Variants in CARD9 observed in about 807,000 individuals in gnomAD.
CARD9 encodes the protein caspase recruitment domain family member 9, also known as caspase recruitment domain-containing protein 9.
CARD9 carries 53 observed loss-of-function variants against 66.0 expected under a neutral mutation model. The ratio of observed to expected loss-of-function variants is 0.80; its 90% CI spans 0.64 to 1.01. The LOEUF is 1.01. Ranked by LOEUF, CARD9 falls within the 50% of genes least tolerant of loss-of-function variation. The pLI is 0.00. For synonymous variants in CARD9, 387 were observed against 313.8 expected, an observed-to-expected ratio of 1.23 and a Z score of -2.47; for missense variants, 769 against 743.2, an observed-to-expected ratio of 1.03 and a Z score of -0.40.
Position 136,368,560 on chromosome 9 carries a change from A to C in CARD9, c.1078-732T>G, listed in dbSNP as rs942179235. ...TCTCGTTTTAAGGCTCCTGATGTGG[A>C]CAAAGTGCCATCCAGCATTTAGCCG... On this transcript the variant is annotated intron_variant, in intron 7 of 12. Coordinates refer to ENST00000371732, the MANE Select transcript of CARD9 (RefSeq NM_052813.5). Among the ~76,000 whole-genome samples the C allele has an allele frequency of 3.9e-5, 6 of 152,342 alleles. No homozygotes were observed. The East Asian group carries it at 9.7e-4, about 25-fold the overall frequency.
At position 136,365,161 on chromosome 9, in the gene CARD9, G is replaced by C; in HGVS notation, c.1414C>G (p.Gln472Glu). ...CTTACATGGGGGTTCCGCAAAACCT[G>C]CTCCTGGTGCAGAGCTGCAAAGGGC... ...KQPFAALHQEQVLRNPHDAGL... is the reference protein window; with the variant it reads ...KQPFAALHQEEVLRNPHDAGL... The change falls in exon 11 of 13, where the codon CAG becomes GAG. Residue 472 changes from glutamine to glutamate, a missense_variant. Gln to Glu is a conservative substitution (Grantham distance 29). Transcript: ENST00000371732. 2 of 1,611,956 alleles carry C rather than the reference G, an allele frequency of 1.2e-6. No individual in the cohort carries two copies. The highest frequency in any genetic ancestry group is 8.5e-7 in the Non-Finnish European group (1 of 1,179,884).
rs367638485 is a variant in CARD9 at position 136,371,074 on chromosome 9, C to T, written c.394G>A (p.Asp132Asn). 21 of 1,612,594 alleles carry T rather than the reference C, an allele frequency of 1.3e-5. No individual in the cohort carries two copies. Among genetic ancestry groups the T allele is most frequent in the African/African-American group, 2.7e-5 (2 of 74,938 alleles). ...EVMKLQKKVQ[D>N]LTALLSSKDD... The stretch of plus-strand genomic sequence containing the variant: ...TTGGAGCTCAGCAGCGCGGTCAGGT[C>T]CTGCACCTTCTTCTGCAGCTTCATG... Residue 132 changes from aspartate to asparagine, a missense_variant, in exon 4 of 13, where the codon GAC becomes AAC. By Grantham distance (23) the Asp-to-Asn change is conservative. Coordinates refer to ENST00000371732, the MANE Select transcript of CARD9 (RefSeq NM_052813.5).
chr9:136,364,695 A>G (rs909784457), intron 11 of CARD9, 136 bp from the exon 12 acceptor site: 10 of 864,056 alleles, frequency 1.2e-5, no homozygotes, highest in South Asian at 3.5e-5. Flanking sequence ...CTCAGCGCCA[A>G]GCTCTCCCTG....
Position 136,371,949 on chromosome 9 carries a change from C to G in CARD9, c.130G>C (p.Asp44His). Residue 44 changes from aspartate to histidine, a missense_variant, in exon 2 of 13, where the codon GAT (aspartate) becomes CAT (histidine). Transcript: ENST00000371732. The part of the protein sequence containing the change: ...LRQCKVLNPD[D>H]EEQVLSDPNL... The stretch of plus-strand genomic sequence containing the variant: ...GGGTCGCTGAGCACCTGCTCCTCAT[C>G]ATCGGGGTTCAGGACCTTGCACTGC... The G allele has an allele frequency of 6.2e-7, 1 of 1,610,632 alleles. No homozygotes were observed. Among genetic ancestry groups the G allele is most frequent in the Non-Finnish European group, 8.5e-7 (1 of 1,178,066 alleles).
rs1363060655 is a variant in CARD9, at chr9:136,370,141, AG to A, written c.951+152del. On this transcript the variant is annotated intron_variant, in intron 6 of 12. Transcript: ENST00000371732. ...CCATGGGGGGCAGGCGGGCAAGGAG[AG>A]GGCACCGTCCACTGTGCCTCCAGGA... 2.1e-6 allele frequency: 3 copies of A among 1,440,398 alleles called. No individual in the cohort carries two copies. In the African/African-American group the frequency reaches 4.2e-5, roughly 20 times the overall value. The allele number at this position is 1,440,398 out of a possible 1,614,324, so 89.2% of individuals were successfully genotyped here.
At chr9:136,371,556 A>G in intron 2 of CARD9, 95 bp from the exon 3 acceptor site, 1 of 1,502,248 alleles carries the variant, frequency 6.7e-7, no homozygotes, top group Non-Finnish European at 8.9e-7. Flanking sequence ...GGAGGCTGGC[A>G]TGCAGATGAG....
At chr9:136,366,775 G>A (rs1833134047) in intron 10 of CARD9, 25 bp downstream of exon 10, 1 of 1,612,506 alleles carries the variant, frequency 6.2e-7, no homozygotes, top group African/African-American at 1.3e-5. Flanking sequence ...GGAGGCCTCT[G>A]GGTGTACTGC....
Position 136,365,275 on chromosome 9 carries a change from G to C in CARD9, c.1358-58C>G, listed in dbSNP as rs897265650. The C allele has an allele frequency of 7.9e-5, 122 of 1,534,768 alleles. No homozygotes were observed. The Admixed American group carries it at 9.6e-4, about 12-fold the overall frequency. On this transcript the variant is annotated intron_variant, in intron 10 of 12. Coordinates refer to ENST00000371732, the MANE Select transcript of CARD9 (RefSeq NM_052813.5). ...CCATCTGCTGGGCCACGTATAGCAC[G>C]GCTGCCCCACCCCTCCCCGGCATTG...
Position 136,364,166 on chromosome 9 carries a change from T to C in CARD9, c.*136A>G, listed in dbSNP as rs754296515. 24 of 1,550,522 alleles carry C rather than the reference T, an allele frequency of 1.5e-5. No individual in the cohort carries two copies. Among genetic ancestry groups the C allele is most frequent in the Non-Finnish European group, 2.0e-5 (23 of 1,146,844 alleles). Reference sequence around the variant, plus strand: ...ATGCCCGGCAGTCCGGCTGGGCCTTTCAGGGCACCAGATTCCTCGTTCCAG... The same window carrying C: ...ATGCCCGGCAGTCCGGCTGGGCCTTCCAGGGCACCAGATTCCTCGTTCCAG... On this transcript the variant is annotated 3_prime_UTR_variant, in exon 13 of 13. Coordinates refer to ENST00000371732, the MANE Select transcript of CARD9 (RefSeq NM_052813.5).
At chr9:136,365,110 C>G in intron 11 of CARD9, 31 bp downstream of exon 11, 2 of 1,607,404 alleles carry the variant, frequency 1.2e-6, no homozygotes, top group South Asian at 2.2e-5. Context: ...AGGCCCACGG[C>G]TGGGAGGACC....
chr9:136,364,639 T>G (rs1307132835), intron 11 of CARD9, 80 bp from the exon 12 acceptor site: 2 of 1,387,238 alleles, frequency 1.4e-6, no homozygotes, highest in East Asian at 2.5e-5. Context: ...CACTGGCCCC[T>G]GTAACTGCAG....
intron 11 of CARD9, 54 bp from the exon 12 acceptor site, chr9:136,364,613 C>T: frequency 6.7e-7 from 1 of 1,501,350 alleles, no homozygotes; most frequent in South Asian, 1.2e-5. Flanking sequence ...GGAACCCGTC[C>T]TTCTCACCCG....
chr9:136,371,983 A>G lies in CARD9; in HGVS notation c.96T>C (p.Pro32=), dbSNP rs2131445611. ...TCAGGACCTTGCACTGCCGCAGGTAAGGTGTGATGCGTGAGGGGTCGATGA... is the reference window on the plus strand; with the variant it reads ...TCAGGACCTTGCACTGCCGCAGGTAGGGTGTGATGCGTGAGGGGTCGATGA... ...TSVIDPSRIT[P]YLRQCKVLNP... The change falls in exon 2 of 13, where the codon CCT becomes CCC. Residue 32 remains proline, a synonymous_variant. Coordinates refer to ENST00000371732, the MANE Select transcript of CARD9 (RefSeq NM_052813.5). 3 of 1,612,680 alleles carry G rather than the reference A, an allele frequency of 1.9e-6. No individual in the cohort carries two copies. The highest frequency in any genetic ancestry group is 1.7e-5 in the Admixed American group (1 of 60,014).
Position 136,364,583 on chromosome 9 carries a change from C to A in CARD9, c.1435-24G>T. The A allele has an allele frequency of 2.0e-6, 3 of 1,532,952 alleles. No individual in the cohort carries two copies. The South Asian group carries it at 3.6e-5, about 18-fold the overall frequency. The allele number at this position is 1,532,952 out of a possible 1,614,324, so 95.0% of individuals were successfully genotyped here. ...TCCTGGAGAAGGGGGAAGGCTCGGGCTCCGGCCGGCTCCCCTGAGGGAACC... is the reference window on the plus strand; with the variant it reads ...TCCTGGAGAAGGGGGAAGGCTCGGGATCCGGCCGGCTCCCCTGAGGGAACC... On this transcript the variant is annotated intron_variant, in intron 11 of 12. Coordinates refer to ENST00000371732, the MANE Select transcript of CARD9 (RefSeq NM_052813.5).
At chr9:136,371,526 G>GGGGGCC in intron 2 of CARD9, 65 bp from the exon 3 acceptor site, 1 of 516,030 alleles carries the variant, frequency 1.9e-6, no homozygotes, top group Non-Finnish European at 3.6e-6. Flanking sequence ...GGGTGGGTGG[G>GGGGGCC]CCTGGGGGCA....
At chr9:136,369,485 T>C (rs1833205279) in intron 7 of CARD9, among the ~76,000 whole-genome samples, 1 of 152,222 alleles carries the variant, frequency 6.6e-6, no homozygotes, top group Non-Finnish European at 1.5e-5. Flanking sequence ...CGTTTACTTT[T>C]TTTTAGTGTT....
chr9:136,367,621 C>G lies in CARD9; in HGVS notation c.1269+16G>C, dbSNP rs1178494694. 6.4e-7 allele frequency: 1 copy of G among 1,563,410 alleles called. No individual in the cohort carries two copies. The highest frequency in any genetic ancestry group is 8.6e-7 in the Non-Finnish European group (1 of 1,159,910). On this transcript the variant is annotated intron_variant, in intron 8 of 12. Transcript: ENST00000371732. Reference sequence around the variant, plus strand: ...CACGCGCCGGCTCCCCTCCCTGCCGCAGGCCCCAGGCCCACCAGGACGAGC... The same window carrying G: ...CACGCGCCGGCTCCCCTCCCTGCCGGAGGCCCCAGGCCCACCAGGACGAGC...
chr9:136,371,524 G>A, intron 2 of CARD9, 63 bp from the exon 3 acceptor site: 2 of 1,459,802 alleles, frequency 1.4e-6, no homozygotes, highest in Non-Finnish European at 1.9e-6. Context: ...TGGGGTGGGT[G>A]GGCCTGGGGG....
intron 1 of CARD9, among the ~76,000 whole-genome samples, chr9:136,373,087 C>T (rs1355516381): frequency 1.3e-5 from 2 of 152,222 alleles, no homozygotes; most frequent in Admixed American, 6.5e-5. Flanking sequence ...CCACGTGGTC[C>T]TCAGACAGCC....
Sources: gnomAD v4.1 joint callset for allele counts (sites outside exome capture counted in the v4.1 genomes callset) on GRCh38, gnomAD v4.1.1 for gene constraint, MANE v1.5 for transcripts, NCBI Gene and HGNC (gene_info 2026-07-23, HGNC 2026-07-21) for gene names.